TMEM232: variants seen among roughly 807,000 people sequenced by gnomAD.
TMEM232 encodes the protein transmembrane protein 232.
Under a neutral mutation model 78.8 loss-of-function variants are expected in TMEM232, and 80 were observed. The observed-to-expected ratio is 1.01, with a 90% CI of 0.85 to 1.22. The LOEUF (loss-of-function observed/expected upper bound fraction) is 1.22. Among genes scored for constraint, TMEM232 ranks in the 50% most tolerant of loss-of-function variants. The probability of loss-of-function intolerance (pLI) is 0.00; values close to 1 mark genes in which losing one functional copy is unlikely to be tolerated. For missense variants in TMEM232, 881 were observed against 742.2 expected, an observed-to-expected ratio of 1.19 and a Z score of -2.17; for synonymous variants, 297 against 254.3, an observed-to-expected ratio of 1.17 and a Z score of -1.60.
intron 1 of TMEM232, among the ~76,000 whole-genome samples, chr5:110,711,212 G>T (rs1235198540): frequency 3.3e-5 from 5 of 151,960 alleles, no homozygotes. Context: ...AGAAATGAAA[G>T]ATCTCTCTAA....
chr5:110,605,031 G>T, intron 10 of TMEM232, 78 bp downstream of exon 10: 2 of 1,352,150 alleles, frequency 1.5e-6, no homozygotes, highest in Non-Finnish European at 2.0e-6. Flanking sequence ...TATTAACTTT[G>T]AGTAGAATGC....
intron 12 of TMEM232, among the ~76,000 whole-genome samples, chr5:110,453,100 C>A: frequency 6.6e-6 from 1 of 152,012 alleles, no homozygotes; most frequent in East Asian, 1.9e-4. Context: ...AATTGCTATT[C>A]CTTGTTAACA....
intron 10 of TMEM232, among the ~76,000 whole-genome samples, chr5:110,592,657 AT>A (rs1779667129): frequency 6.6e-6 from 1 of 152,188 alleles, no homozygotes; most frequent in Non-Finnish European, 1.5e-5. Flanking sequence ...AGCAAAGAAA[AT>A]GAAAACAAAA....
intron 3 of TMEM232, among the ~76,000 whole-genome samples, chr5:110,395,228 C>T (rs995447958): frequency 6.6e-6 from 1 of 152,086 alleles, no homozygotes; most frequent in Non-Finnish European, 1.5e-5. Context: ...ATAGAAGAGA[C>T]AGGGGAGAGT....
intron 1 of TMEM232, among the ~76,000 whole-genome samples, chr5:110,737,220 TAATA>T: frequency 6.6e-6 from 1 of 152,300 alleles, no homozygotes; most frequent in African/African-American, 2.4e-5. Context: ...GATAGGTGCT[TAATA>T]AATATATTTT....
chr5:110,442,007 A>AC (rs1554079071), intron 12 of TMEM232, among the ~76,000 whole-genome samples: 1 of 152,112 alleles, frequency 6.6e-6, no homozygotes, highest in Non-Finnish European at 1.5e-5. Flanking sequence ...TTGGAGCTCC[A>AC]TGTATGTGGC....
At chr5:110,423,631 G>A in intron 13 of TMEM232, among the ~76,000 whole-genome samples, 1 of 152,078 alleles carries the variant, frequency 6.6e-6, no homozygotes, top group East Asian at 1.9e-4. Flanking sequence ...GCAGGTTCAT[G>A]GCAGTGATTA....
At position 110,689,858 on chromosome 5, in the gene TMEM232, C is replaced by A. The variant is rs113219024; in HGVS notation, c.-12-22494G>T. Among the ~76,000 whole-genome samples the A allele has an allele frequency of 9.9e-3, 1,513 of 152,200 alleles. 13 individuals are homozygous for A. The highest frequency in any genetic ancestry group is 0.034 in the African/African-American group (1,417 of 41,520). ...ACATCTACAACCATCTGATCTTTGA[C>A]AAACCTGACAAAAACAAACAATGGG... is the stretch of plus-strand genomic sequence containing the variant. On this transcript the variant is annotated intron_variant, in intron 1 of 13. Transcript: ENST00000455884.
chr5:110,622,949 A>C (rs1216424577), intron 7 of TMEM232, among the ~76,000 whole-genome samples: 1 of 151,942 alleles, frequency 6.6e-6, no homozygotes, highest in African/African-American at 2.4e-5. Context: ...ATATGTAACT[A>C]ACCTGCACAT....
At chr5:110,452,964 T>C (rs937763770) in intron 12 of TMEM232, among the ~76,000 whole-genome samples, 21 of 152,338 alleles carry the variant, frequency 1.4e-4, no homozygotes, top group African/African-American at 5.1e-4. Context: ...ACGCTTCTGA[T>C]TGAAGTACCT....
Position 110,638,191 on chromosome 5 carries a change from A to C in TMEM232, c.501+7T>G. The C allele has an allele frequency of 6.5e-7, 1 of 1,536,024 alleles. No homozygotes were observed. Among genetic ancestry groups the C allele is most frequent in the Non-Finnish European group, 8.8e-7 (1 of 1,140,596 alleles). On this transcript the variant is annotated splice_region_variant and intron_variant, in intron 5 of 13. Transcript: ENST00000455884. ...TTAAAAACATTAAGAAGTTTTTCAA[A>C]ACATACCTTTGCTAGCTTTATTTCA...
At chr5:110,646,049 A>C (rs1787434222) in intron 2 of TMEM232, among the ~76,000 whole-genome samples, 1 of 151,684 alleles carries the variant, frequency 6.6e-6, no homozygotes, top group East Asian at 1.9e-4. Context: ...AACATTTATA[A>C]AGGAATTTAC....
intron 12 of TMEM232, among the ~76,000 whole-genome samples, chr5:110,525,219 A>T (rs2149517288): frequency 6.6e-6 from 1 of 151,966 alleles, no homozygotes; most frequent in South Asian, 2.1e-4. Flanking sequence ...TTTACTAGGC[A>T]TACTCAGCTG....
In TMEM232 at chr5:110,427,509, G is replaced by C. The variant is rs544853520; in HGVS notation, c.1704-2593C>G. Among the ~76,000 whole-genome samples the C allele has an allele frequency of 2.0e-5, 3 of 151,942 alleles. No homozygotes were observed. The East Asian group carries it at 5.8e-4, about 29-fold the overall frequency. On this transcript the variant is annotated intron_variant, in intron 12 of 13. Coordinates refer to ENST00000455884, the MANE Select transcript of TMEM232 (RefSeq NM_001039763.4). ...TTTGAAGTTAAATGAACAGTAGAGA[G>C]AGACTTTTCAAGAAAGATGGTATAC...
At chr5:110,682,726 A>C (rs561981596) in intron 1 of TMEM232, among the ~76,000 whole-genome samples, 1 of 152,286 alleles carries the variant, frequency 6.6e-6, no homozygotes, top group Admixed American at 6.5e-5. Flanking sequence ...CTCAGCTTTG[A>C]GATGATCTCT....
At chr5:110,738,911 G>A (rs1799502719), upstream of TMEM232, 13 of 1,337,866 alleles carry the variant, frequency 9.7e-6, no homozygotes, top group Non-Finnish European at 1.2e-5. Context: ...TTACCGCCGC[G>A]TCTCCCTAGC....
chr5:110,602,333 A>C (rs1781016300), intron 10 of TMEM232, among the ~76,000 whole-genome samples: 1 of 152,196 alleles, frequency 6.6e-6, no homozygotes, highest in African/African-American at 2.4e-5. Context: ...GCACGGCAAA[A>C]GAAACTATCA....
intron 10 of TMEM232, among the ~76,000 whole-genome samples, chr5:110,596,757 C>G (rs1295195083): frequency 6.6e-6 from 1 of 152,106 alleles, no homozygotes; most frequent in Non-Finnish European, 1.5e-5. Context: ...GAGCCAAAGA[C>G]AAAAACCACA....
chr5:110,593,791 T>A (rs1779821283), intron 10 of TMEM232, among the ~76,000 whole-genome samples: 1 of 152,136 alleles, frequency 6.6e-6, no homozygotes, highest in Non-Finnish European at 1.5e-5. Context: ...TAATAATTTC[T>A]TGTACTTTTA....
Sources: gnomAD v4.1 joint callset for allele counts (sites outside exome capture counted in the v4.1 genomes callset) on GRCh38, gnomAD v4.1.1 for gene constraint, MANE v1.5 for transcripts, NCBI Gene and HGNC (gene_info 2026-07-23, HGNC 2026-07-21) for gene names.